Variants in EFNA3 observed in about 807,000 individuals in gnomAD.
EFNA3 encodes ephrin-A3.
Under a neutral mutation model 25.0 loss-of-function variants are expected in EFNA3, and 15 were observed. The observed-to-expected ratio is 0.60, with a 90% CI of 0.40 to 0.92. EFNA3 has a LOEUF of 0.92. Ranked by LOEUF, EFNA3 falls within the 40% of genes least tolerant of loss-of-function variation. EFNA3 has a pLI of 0.00. For synonymous variants in EFNA3, 153 were observed against 145.6 expected, an observed-to-expected ratio of 1.05 and a Z score of -0.37; for missense variants, 298 against 323.8, an observed-to-expected ratio of 0.92 and a Z score of 0.61.
Position 155,085,496 on chromosome 1 carries a change from C to G in EFNA3, c.442+92C>G. 2 of 1,408,946 alleles carry G rather than the reference C, an allele frequency of 1.4e-6. No homozygotes were observed. The highest frequency in any genetic ancestry group is 3.0e-5 in the South Asian group (2 of 67,266). The allele number at this position is 1,408,946 out of a possible 1,614,324, so 87.3% of individuals were successfully genotyped here. On this transcript the variant is annotated intron_variant, in intron 2 of 4. Coordinates refer to ENST00000368408, the MANE Select transcript of EFNA3 (RefSeq NM_004952.5). This position sits in a 1 kb window ranked among gnomAD's most constrained non-coding sequence, Gnocchi z 4.4. The stretch of plus-strand genomic sequence containing the variant: ...CCCCTAGGCTCCGGGGCGGGGCCGG[C>G]GCGGCGGGCGCCAGGTCTCGCGGCT...
chr1:155,082,125 CCCGCCACCA>C (rs938384660), intron 1 of EFNA3, among the ~76,000 whole-genome samples: 6 of 152,134 alleles, frequency 3.9e-5, no homozygotes, highest in East Asian at 3.9e-4. Flanking sequence ...CCCCAGCGTT[CCCGCCACCA>C]CCGCCACCAC....
chr1:155,086,141 G>C lies in EFNA3; in HGVS notation c.522G>C (p.Gly174=). ...FVCCASTSHS[G]EKPVPTLPQF... Reference sequence around the variant, plus strand: ...CCCACCCCGCAGCATCGCACTCCGGGGAGAAGCCGGTCCCCACTCTCCCCC... The same window carrying C: ...CCCACCCCGCAGCATCGCACTCCGGCGAGAAGCCGGTCCCCACTCTCCCCC... The change falls in exon 4 of 5, where the codon GGG becomes GGC. Residue 174 remains glycine, a synonymous_variant. Coordinates refer to ENST00000368408, the MANE Select transcript of EFNA3 (RefSeq NM_004952.5). 6.2e-7 allele frequency: 1 copy of C among 1,613,228 alleles called. No homozygotes were observed. Among genetic ancestry groups the C allele is most frequent in the Non-Finnish European group, 8.5e-7 (1 of 1,179,500 alleles).
In EFNA3 at chr1:155,086,722, T is replaced by A; in HGVS notation, c.*179T>A. ...CCCCTTCCCCCCACGTAGGGCACTGTAGTGGACCAAGCACGGGGACAGCCA... is the reference window on the plus strand; with the variant it reads ...CCCCTTCCCCCCACGTAGGGCACTGAAGTGGACCAAGCACGGGGACAGCCA... On this transcript the variant is annotated 3_prime_UTR_variant, in exon 5 of 5. Transcript: ENST00000368408. The A allele has an allele frequency of 1.4e-6, 1 of 738,816 alleles. No homozygotes were observed. Among genetic ancestry groups the A allele is most frequent in the Non-Finnish European group, 2.1e-6 (1 of 470,548 alleles). The allele number at this position is 738,816 out of a possible 1,614,324, so 45.8% of individuals were successfully genotyped here.
chr1:155,085,275 T>C lies in EFNA3; in HGVS notation c.313T>C (p.Phe105Leu). The C allele has an allele frequency of 6.2e-7, 1 of 1,612,968 alleles. No individual in the cohort carries two copies. Residue 105 changes from phenylalanine to leucine, a missense_variant, in exon 2 of 5, where the codon TTC becomes CTC. Coordinates refer to ENST00000368408, the MANE Select transcript of EFNA3 (RefSeq NM_004952.5). This position sits in a 1 kb window ranked among gnomAD's most constrained non-coding sequence, Gnocchi z 4.4. ...GYRTCNASQGFKRWECNRPHA... is the reference protein window; with the variant it reads ...GYRTCNASQGLKRWECNRPHA... ...CCGCACCTGCAACGCCAGCCAGGGC[T>C]TCAAGCGCTGGGAGTGCAACCGGCC...
rs1663301255 is a variant in EFNA3 at position 155,079,473 on chromosome 1, AG to A, written c.128+408del. On this transcript the variant is annotated intron_variant, in intron 1 of 4. Transcript: ENST00000368408. The surrounding 1 kb of genome is among the most constrained non-coding windows in gnomAD (Gnocchi z 7.7). ...CCTGTTTTTGGCCATGAGGGCTTCCAGGGGTTCTGTCTAGGACTCCTGCTTT... is the reference window on the plus strand; with the variant it reads ...CCTGTTTTTGGCCATGAGGGCTTCCAGGGTTCTGTCTAGGACTCCTGCTTT... Among the ~76,000 whole-genome samples, 1 of 152,122 alleles carries A rather than the reference AG, an allele frequency of 6.6e-6. No individual in the cohort carries two copies. Among genetic ancestry groups the A allele is most frequent in the South Asian group, 2.1e-4 (1 of 4,832 alleles).
In EFNA3 at chr1:155,086,529, T is replaced by C. The variant is rs763623425; in HGVS notation, c.703T>C (p.Phe235Leu). ...GGGCATCGCCTTCTTCCTCATGACG[T>C]TCTTGGCCTCCTAGCTCTGCCCCCT... ...AVGIAFFLMT[F>L]LAS Residue 235 changes from phenylalanine (F) to leucine (L), a missense_variant, in exon 5 of 5, where the codon TTC becomes CTC. Coordinates refer to ENST00000368408, the MANE Select transcript of EFNA3 (RefSeq NM_004952.5). 14 of 1,613,652 alleles carry C rather than the reference T, an allele frequency of 8.7e-6. No individual in the cohort carries two copies. In the Admixed American group the frequency reaches 2.3e-4, roughly 27 times the overall value.
rs1212342746 is a variant in EFNA3, at chr1:155,078,989, G to A, written c.48G>A (p.Pro16=). The change falls in exon 1 of 5, where the codon CCG becomes CCA. Residue 16 remains proline (P), a synonymous_variant. Coordinates refer to ENST00000368408, the MANE Select transcript of EFNA3 (RefSeq NM_004952.5). Reference sequence around the variant, plus strand: ...TGCTGCTGCTGCTCGTGCCCGTGCCGCTGCTGCCGCTGCTGGCCCAAGGGC... The same window carrying A: ...TGCTGCTGCTGCTCGTGCCCGTGCCACTGCTGCCGCTGCTGGCCCAAGGGC... The part of the protein sequence containing the change: ...LLLLLLLVPV[P]LLPLLAQGPG... The A allele has an allele frequency of 1.4e-6, 2 of 1,433,056 alleles. No individual in the cohort carries two copies. Among genetic ancestry groups the A allele is most frequent in the South Asian group, 1.5e-5 (1 of 68,696 alleles). 88.8% of individuals were successfully genotyped at this position (1,433,056 alleles called of 1,614,324 possible).
At position 155,085,376 on chromosome 1, in the gene EFNA3, C is replaced by T; in HGVS notation, c.414C>T (p.Phe138=). The part of the protein sequence containing the change: ...RYSAFSLGYE[F]HAGHEYYYIS... ...GCGCCTTCTCTCTGGGCTACGAGTT[C>T]CACGCCGGCCACGAGTACTACTACA... Residue 138 remains phenylalanine (F), a synonymous_variant, in exon 2 of 5, where the codon TTC becomes TTT. Transcript: ENST00000368408. This position sits in a 1 kb window ranked among gnomAD's most constrained non-coding sequence, Gnocchi z 4.4. 3.1e-6 allele frequency: 5 copies of T among 1,609,548 alleles called. No individual in the cohort carries two copies. In the South Asian group the frequency reaches 3.3e-5, roughly 11 times the overall value.
Position 155,078,905 on chromosome 1 carries a change from G to T in EFNA3, c.-37G>T. The T allele has an allele frequency of 7.4e-7, 1 of 1,357,060 alleles. No individual in the cohort carries two copies. The highest frequency in any genetic ancestry group is 9.5e-7 in the Non-Finnish European group (1 of 1,056,892). The allele number at this position is 1,357,060 out of a possible 1,614,324, so 84.1% of individuals were successfully genotyped here. A position where few individuals can be genotyped will look rare whatever the true frequency, so the allele number is the denominator to read the frequency against. The stretch of plus-strand genomic sequence containing the variant: ...GAAGCGGAGAAGCCGGGAGCGCGGG[G>T]CTCAGTCGGGGGGCGGCGGCGGCGG... On this transcript the variant is annotated 5_prime_UTR_variant, in exon 1 of 5. Transcript: ENST00000368408.
intron 1 of EFNA3, among the ~76,000 whole-genome samples, chr1:155,082,366 TTCCCTAC>T (rs1663358841): frequency 6.6e-6 from 1 of 152,196 alleles, no homozygotes; most frequent in African/African-American, 2.4e-5. Flanking sequence ...CTGGGATCCT[TTCCCTAC>T]TCCCTGGTCT....
Position 155,080,138 on chromosome 1 carries a change from C to G in EFNA3, c.128+1069C>G, listed in dbSNP as rs1663313661. Among the ~76,000 whole-genome samples the G allele has an allele frequency of 1.3e-5, 2 of 152,254 alleles. No homozygotes were observed. The highest frequency in any genetic ancestry group is 4.8e-5 in the African/African-American group (2 of 41,538). ...GGGAGATCCCTGGGGACGCGGGGGT[C>G]ACTGTCACACCTGCCCGGGCGGTGG... On this transcript the variant is annotated intron_variant, in intron 1 of 4. Coordinates refer to ENST00000368408, the MANE Select transcript of EFNA3 (RefSeq NM_004952.5). The surrounding 1 kb of genome is among the most constrained non-coding windows in gnomAD (Gnocchi z 7.0).
intron 1 of EFNA3, among the ~76,000 whole-genome samples, chr1:155,082,022 C>T (rs933911123): frequency 3.9e-5 from 6 of 152,212 alleles, no homozygotes; most frequent in Non-Finnish European, 5.9e-5. Flanking sequence ...GGAAGCCTTG[C>T]GCCCAGACCT....
At position 155,086,631 on chromosome 1, in the gene EFNA3, GCCTAGACC is replaced by G; in HGVS notation, c.*92_*99del. On this transcript the variant is annotated 3_prime_UTR_variant, in exon 5 of 5. Coordinates refer to ENST00000368408, the MANE Select transcript of EFNA3 (RefSeq NM_004952.5). ...GGCCTCTCCAAGGGAAGCCTAGTGG[GCCTAGACC>G]CCTCCTCCCATGGCTAGAAGTGGGG... is the stretch of plus-strand genomic sequence containing the variant. The G allele has an allele frequency of 2.0e-6, 3 of 1,516,562 alleles. No individual in the cohort carries two copies. The highest frequency in any genetic ancestry group is 2.7e-6 in the Non-Finnish European group (3 of 1,125,186). The allele number at this position is 1,516,562 out of a possible 1,614,324, so 93.9% of individuals were successfully genotyped here. A position where few individuals can be genotyped will look rare whatever the true frequency, so the allele number is the denominator to read the frequency against.
At chr1:155,082,472 G>A (rs1478921592) in intron 1 of EFNA3, among the ~76,000 whole-genome samples, 1 of 152,194 alleles carries the variant, frequency 6.6e-6, no homozygotes, top group Non-Finnish European at 1.5e-5. Context: ...CCCCCTCCGC[G>A]GACACTCCGG....
chr1:155,079,177 A>G lies in EFNA3; in HGVS notation c.128+108A>G. ...CGGGGTGGGAGTCCTGGGAGACCAG[A>G]GCTGGGGGCTGGGAGGGGACGGAGA... On this transcript the variant is annotated intron_variant, in intron 1 of 4. Coordinates refer to ENST00000368408, the MANE Select transcript of EFNA3 (RefSeq NM_004952.5). The surrounding 1 kb of genome is among the most constrained non-coding windows in gnomAD (Gnocchi z 7.7). 2.7e-6 allele frequency: 3 copies of G among 1,094,328 alleles called. No homozygotes were observed. The highest frequency in any genetic ancestry group is 8.0e-5 in the South Asian group (2 of 24,968). 67.8% of individuals were successfully genotyped at this position (1,094,328 alleles called of 1,614,324 possible).
chr1:155,086,609 C>A lies in EFNA3; in HGVS notation c.*66C>A. ...TTGGAAGGAGCAGGGAGCCTTTGGC[C>A]TCTCCAAGGGAAGCCTAGTGGGCCT... On this transcript the variant is annotated 3_prime_UTR_variant, in exon 5 of 5. Transcript: ENST00000368408. 1 of 1,589,606 alleles carries A rather than the reference C, an allele frequency of 6.3e-7. No individual in the cohort carries two copies. Among genetic ancestry groups the A allele is most frequent in the Non-Finnish European group, 8.6e-7 (1 of 1,168,154 alleles).
At chr1:155,083,697 G>A (rs1343947760) in intron 1 of EFNA3, among the ~76,000 whole-genome samples, 1 of 152,228 alleles carries the variant, frequency 6.6e-6, no homozygotes, top group Non-Finnish European at 1.5e-5. Context: ...CCCACCGTGT[G>A]CAGAAGCCTC....
Position 155,081,054 on chromosome 1 carries a change from C to T in EFNA3, c.128+1985C>T, listed in dbSNP as rs1472697154. 3.3e-5 allele frequency among the ~76,000 whole-genome samples: 5 copies of T among 152,214 alleles called. No individual in the cohort carries two copies. Among genetic ancestry groups the T allele is most frequent in the Non-Finnish European group, 7.4e-5 (5 of 68,020 alleles). ...CTAGTCACGTGAGCTGGGCTCCTGGCTCCCACCTCCCGTCACGTGCGGAGG... is the reference window on the plus strand; with the variant it reads ...CTAGTCACGTGAGCTGGGCTCCTGGTTCCCACCTCCCGTCACGTGCGGAGG... On this transcript the variant is annotated intron_variant, in intron 1 of 4. Transcript: ENST00000368408. The surrounding 1 kb of genome is among the most constrained non-coding windows in gnomAD (Gnocchi z 5.2).
Position 155,086,731 on chromosome 1 carries a change from A to C in EFNA3, c.*188A>C. 1.5e-6 allele frequency: 1 copy of C among 677,014 alleles called. No homozygotes were observed. The highest frequency in any genetic ancestry group is 2.4e-6 in the Non-Finnish European group (1 of 422,342). 41.9% of individuals were successfully genotyped at this position (677,014 alleles called of 1,614,324 possible). ...CCCACGTAGGGCACTGTAGTGGACC[A>C]AGCACGGGGACAGCCATGGGTCCCG... On this transcript the variant is annotated 3_prime_UTR_variant, in exon 5 of 5. Transcript: ENST00000368408.
Sources: allele counts gnomAD v4.1 joint callset (sites outside exome capture counted in the v4.1 genomes callset), GRCh38; gene constraint gnomAD v4.1.1; non-coding constraint Gnocchi (gnomAD v3.1); transcripts MANE v1.5; gene names NCBI Gene and HGNC (gene_info 2026-07-23, HGNC 2026-07-21).